The following HECW2 variants were observed in gnomAD, a reference collection of about 807,000 sequenced individuals.
HECW2 encodes the protein E3 ubiquitin-protein ligase HECW2.
In HECW2, 61 loss-of-function variants were observed where a neutral mutation model predicts 175.2. That is an observed-to-expected ratio of 0.35 (90% CI 0.28 to 0.43). The LOEUF is 0.43. HECW2 is among the 20% of genes least tolerant of loss of function. The pLI is 1.00. For synonymous variants in HECW2, 671 were observed against 731.0 expected, an observed-to-expected ratio of 0.92 and a Z score of 1.32; for missense variants, 1,524 against 2,000.5, an observed-to-expected ratio of 0.76 and a Z score of 4.54.
intron 1 of HECW2, among the ~76,000 whole-genome samples, chr2:196,458,686 T>C (rs888187267): frequency 2.6e-5 from 4 of 151,986 alleles, no homozygotes; most frequent in South Asian, 2.1e-4. Flanking sequence ...GCCAACATGG[T>C]GAAACCCCGT....
At chr2:196,410,235 G>A (rs974967206) in intron 2 of HECW2, among the ~76,000 whole-genome samples, 10 of 152,136 alleles carry the variant, frequency 6.6e-5, no homozygotes, top group South Asian at 2.1e-4. Context: ...ATGGTCATGC[G>A]CTTTGAAAGA....
At chr2:196,498,870 T>C (rs1014894720) in intron 1 of HECW2, among the ~76,000 whole-genome samples, 1 of 152,194 alleles carries the variant, frequency 6.6e-6, no homozygotes, top group African/African-American at 2.4e-5. Context: ...CTAAAACTAG[T>C]GTTTAAGACT....
chr2:196,355,849 A>C (rs76261732), intron 2 of HECW2, among the ~76,000 whole-genome samples: 4,139 of 152,244 alleles, frequency 0.027, 74 homozygotes, highest in Non-Finnish European at 0.04. Flanking sequence ...TTAAAGAAAG[A>C]AAGCTTGGGA....
chr2:196,302,568 T>G (rs985988605), intron 13 of HECW2, among the ~76,000 whole-genome samples: 9 of 152,260 alleles, frequency 5.9e-5, no homozygotes, highest in Non-Finnish European at 1.5e-5. Context: ...TTTTTCCTTT[T>G]GTTTGTGTCT....
chr2:196,508,622 A>G (rs1687846202), intron 1 of HECW2, among the ~76,000 whole-genome samples: 1 of 152,126 alleles, frequency 6.6e-6, no homozygotes, highest in Non-Finnish European at 1.5e-5. Context: ...CCTCCCACTA[A>G]TATCTGTGAA....
At chr2:196,248,593 G>GAC (rs1433125391) in intron 19 of HECW2, among the ~76,000 whole-genome samples, 4 of 83,664 alleles carry the variant, frequency 4.8e-5, no homozygotes, top group South Asian at 4.8e-4. Flanking sequence ...GAGAGAGACA[G>GAC]ACAGACACAC....
At chr2:196,423,294 C>A (rs1026337695) in intron 2 of HECW2, among the ~76,000 whole-genome samples, 2 of 152,040 alleles carry the variant, frequency 1.3e-5, no homozygotes, top group African/African-American at 2.4e-5. Context: ...TGGTTTAAGT[C>A]ATTTTTTTAA....
intron 15 of HECW2, among the ~76,000 whole-genome samples, chr2:196,278,133 A>AAAAAAAAAAATATATATATATATATAT (rs531920307): frequency 3.0e-5 from 2 of 66,570 alleles, no homozygotes; most frequent in Admixed American, 2.2e-4. Flanking sequence ...ATAATTAAAA[A>AAAAAAAAAAATATATATATATATATAT]ATATATATAT....
At chr2:196,358,790 ACT>A (rs759208916) in intron 2 of HECW2, among the ~76,000 whole-genome samples, 67 of 152,192 alleles carry the variant, frequency 4.4e-4, no homozygotes, top group Middle Eastern at 3.4e-3. Context: ...GTTTCTTGAA[ACT>A]CTGCTTTCTT....
chr2:196,359,697 G>T (rs555198791), intron 2 of HECW2, among the ~76,000 whole-genome samples: 59 of 152,290 alleles, frequency 3.9e-4, no homozygotes, highest in Non-Finnish European at 7.5e-4. Flanking sequence ...ATATAATATG[G>T]ATGAGGAACT....
At chr2:196,469,136 T>TGTGTGC (rs1697092036) in intron 1 of HECW2, among the ~76,000 whole-genome samples, 1 of 151,200 alleles carries the variant, frequency 6.6e-6, no homozygotes. Context: ...TGTGTGTGTG[T>TGTGTGC]GTGTGTGTGT....
At chr2:196,205,442 AT>A (rs11295937) in intron 28 of HECW2, among the ~76,000 whole-genome samples, 14,979 of 152,208 alleles carry the variant, frequency 0.098, 1,353 homozygotes, top group African/African-American at 0.24. Flanking sequence ...GATTATCCAC[AT>A]TTTGAGGACA....
chr2:196,448,644 T>C (rs937666876), intron 1 of HECW2, among the ~76,000 whole-genome samples: 17 of 152,322 alleles, frequency 1.1e-4, no homozygotes, highest in Admixed American at 4.6e-4. Flanking sequence ...TCACTCTCAT[T>C]TGTGGTTCAC....
At chr2:196,283,479 G>A (rs1038063837) in intron 14 of HECW2, among the ~76,000 whole-genome samples, 1 of 150,266 alleles carries the variant, frequency 6.7e-6, no homozygotes. Flanking sequence ...AGGTTCAAGT[G>A]ACTCTCCTGC....
At chr2:196,535,702 C>T (rs1266928319) in intron 1 of HECW2, among the ~76,000 whole-genome samples, 1 of 152,138 alleles carries the variant, frequency 6.6e-6, no homozygotes, top group Non-Finnish European at 1.5e-5. Context: ...TCATCACAGT[C>T]ACCTTGGAAA....
At chr2:196,515,296 G>GT (rs1224120331) in intron 1 of HECW2, among the ~76,000 whole-genome samples, 6 of 152,266 alleles carry the variant, frequency 3.9e-5, no homozygotes, top group Non-Finnish European at 8.8e-5. Flanking sequence ...CTTGGCAGGT[G>GT]TGAGACCCAG....
intron 1 of HECW2, among the ~76,000 whole-genome samples, chr2:196,511,604 T>C (rs1687955373): frequency 6.6e-6 from 1 of 152,232 alleles, no homozygotes; most frequent in African/African-American, 2.4e-5. Flanking sequence ...CACATAAATA[T>C]ATCATTACAA....
At chr2:196,556,326 G>A (rs749235789) in intron 1 of HECW2, among the ~76,000 whole-genome samples, 1 of 152,050 alleles carries the variant, frequency 6.6e-6, no homozygotes, top group Non-Finnish European at 1.5e-5. Context: ...ATCTATTCTC[G>A]TAGCAAATTT....
At chr2:196,410,425 T>C (rs1215417736) in intron 2 of HECW2, among the ~76,000 whole-genome samples, 5 of 152,168 alleles carry the variant, frequency 3.3e-5, no homozygotes, top group Admixed American at 6.5e-5. Context: ...AGTTTAAACT[T>C]AGAATGAATT....
Sources: gnomAD v4.1 joint callset for allele counts (sites outside exome capture counted in the v4.1 genomes callset) on GRCh38, gnomAD v4.1.1 for gene constraint, MANE v1.5 for transcripts, NCBI Gene and HGNC (gene_info 2026-07-23, HGNC 2026-07-21) for gene names.